ENOX1: variants seen among roughly 807,000 people sequenced by gnomAD.
The protein encoded by ENOX1 is ecto-NOX disulfide-thiol exchanger 1, also known as candidate growth-related and time keeping constitutive hydroquinone (NADH) oxidase.
A neutral mutation model predicts 82.5 loss-of-function variants in ENOX1; 42 were observed. The ratio of observed to expected loss-of-function variants is 0.51; its 90% CI spans 0.40 to 0.66. The LOEUF (loss-of-function observed/expected upper bound fraction) is 0.66. Ranked by LOEUF, ENOX1 falls within the 30% of genes least tolerant of loss-of-function variation. The pLI, the probability that ENOX1 is intolerant of heterozygous loss-of-function variation, is 0.00. For missense variants in ENOX1, 608 were observed against 811.6 expected (o/e 0.75, Z 3.05); for synonymous variants, 271 against 282.2 (o/e 0.96, Z 0.40).
intron 3 of ENOX1, among the ~76,000 whole-genome samples, chr13:43,444,868 C>T (rs1242045258): frequency 1.3e-5 from 2 of 152,164 alleles, no homozygotes; most frequent in African/African-American, 4.8e-5. Context: ...CCACGTGCCA[C>T]CCGTACCTCT....
intron 1 of ENOX1, among the ~76,000 whole-genome samples, chr13:43,747,723 A>T (rs1453289421): frequency 6.6e-6 from 1 of 152,226 alleles, no homozygotes; most frequent in African/African-American, 2.4e-5. Flanking sequence ...CTAGATGTGA[A>T]CAGGCCCTCA....
At chr13:43,593,978 T>C (rs1243974125) in intron 2 of ENOX1, among the ~76,000 whole-genome samples, 1 of 152,098 alleles carries the variant, frequency 6.6e-6, no homozygotes, top group East Asian at 1.9e-4. Flanking sequence ...GGAGATGTGC[T>C]CCTACCTAAG....
intron 2 of ENOX1, among the ~76,000 whole-genome samples, chr13:43,506,564 T>C (rs375439834): frequency 1.3e-4 from 17 of 135,430 alleles, no homozygotes; most frequent in East Asian, 9.8e-4. Context: ...CTATTCACAA[T>C]AGCAAAGACT....
intron 1 of ENOX1, among the ~76,000 whole-genome samples, chr13:43,748,148 T>C (rs1950126508): frequency 6.6e-6 from 1 of 152,232 alleles, no homozygotes; most frequent in African/African-American, 2.4e-5. Context: ...TTTTAATAAC[T>C]TGATAACTAT....
In ENOX1 at chr13:43,449,240, G is replaced by GT. The variant is rs1174119180; in HGVS notation, c.-75+34768dup. 2.0e-5 allele frequency among the ~76,000 whole-genome samples: 3 copies of GT among 152,290 alleles called. No individual in the cohort carries two copies. The East Asian group carries it at 5.8e-4, about 29-fold the overall frequency. The stretch of plus-strand genomic sequence containing the variant: ...GCAGACGCAAACACTGTTTTCCAGT[G>GT]TGAGACTCCCTTGGGCAAATTAGGT... On this transcript the variant is annotated intron_variant, in intron 3 of 16. Coordinates refer to ENST00000690772, the MANE Select transcript of ENOX1 (RefSeq NM_001347969.2).
intron 2 of ENOX1, among the ~76,000 whole-genome samples, chr13:43,662,379 T>A (rs1314252547): frequency 6.6e-6 from 1 of 152,168 alleles, no homozygotes; most frequent in Non-Finnish European, 1.5e-5. Flanking sequence ...ATGCAGAGCA[T>A]CTCCATGCAA....
At chr13:43,385,309 C>T (rs952243196) in intron 5 of ENOX1, among the ~76,000 whole-genome samples, 1 of 151,932 alleles carries the variant, frequency 6.6e-6, no homozygotes, top group African/African-American at 2.4e-5. Context: ...AAAAACACAA[C>T]AGCCTAAATC....
At chr13:43,333,555 C>T (rs745799070) in intron 9 of ENOX1, among the ~76,000 whole-genome samples, 25 of 152,214 alleles carry the variant, frequency 1.6e-4, no homozygotes, top group Non-Finnish European at 2.5e-4. Flanking sequence ...ACCCTCGAAA[C>T]GGCAACCCTG....
At chr13:43,521,055 T>C (rs999807882) in intron 2 of ENOX1, among the ~76,000 whole-genome samples, 5 of 152,052 alleles carry the variant, frequency 3.3e-5, no homozygotes, top group Non-Finnish European at 5.9e-5. Context: ...CATGAGGACA[T>C]ATCACTATTT....
chr13:43,637,703 G>A (rs1215540501), intron 2 of ENOX1, among the ~76,000 whole-genome samples: 1 of 152,038 alleles, frequency 6.6e-6, no homozygotes, highest in Non-Finnish European at 1.5e-5. Context: ...TTTATCCACT[G>A]AGATTTTCAA....
chr13:43,376,539 A>G (rs1484388417), intron 5 of ENOX1, among the ~76,000 whole-genome samples: 1 of 152,226 alleles, frequency 6.6e-6, no homozygotes, highest in Non-Finnish European at 1.5e-5. Context: ...AGGAACTTTC[A>G]GAGTAAATTA....
intron 3 of ENOX1, among the ~76,000 whole-genome samples, chr13:43,434,937 G>GTTTTTTTTTTTTTTTTTTTTTTTTT (rs537775258): frequency 1.3e-5 from 1 of 75,910 alleles, no homozygotes; most frequent in African/African-American, 5.3e-5. Flanking sequence ...TGTGTGTGTG[G>GTTTTTTTTTTTTTTTTTTTTTTTTT]TTTTTTTTTT....
At chr13:43,426,382 T>C (rs1364707343) in intron 3 of ENOX1, among the ~76,000 whole-genome samples, 1 of 152,232 alleles carries the variant, frequency 6.6e-6, no homozygotes, top group Non-Finnish European at 1.5e-5. Flanking sequence ...TTGTGGGAAC[T>C]GCAATATATT....
At chr13:43,218,222 G>T (rs2041592140) in intron 16 of ENOX1, among the ~76,000 whole-genome samples, 1 of 152,216 alleles carries the variant, frequency 6.6e-6, no homozygotes, top group Non-Finnish European at 1.5e-5. Flanking sequence ...TGTTGGTAGT[G>T]TAAGATATAA....
chr13:43,616,171 T>TAGATAGATAGATAG (rs373367551), intron 2 of ENOX1, among the ~76,000 whole-genome samples: 3 of 6,812 alleles, frequency 4.4e-4, no homozygotes, highest in Admixed American at 5.5e-3. Context: ...TCTATCTATC[T>TAGATAGATAGATAG]ATCTATCTAT....
chr13:43,551,093 AAACTT>A lies in ENOX1; in HGVS notation c.-218-66946_-218-66942del, dbSNP rs71858566. ...AACTCTTAAAAAGATACACAATCCT[AAACTT>A]AACTTCACTGGGATTTTTAAAATAA... On this transcript the variant is annotated intron_variant, in intron 2 of 16. Coordinates refer to ENST00000690772, the MANE Select transcript of ENOX1 (RefSeq NM_001347969.2). Among the ~76,000 whole-genome samples, 567 of 152,328 alleles carry A rather than the reference AAACTT, an allele frequency of 3.7e-3. 7 individuals are homozygous for A. The highest frequency in any genetic ancestry group is 0.027 in the Admixed American group (411 of 15,298).
At chr13:43,471,809 CAAAAAAAAAA>C (rs5803181) in intron 3 of ENOX1, among the ~76,000 whole-genome samples, 56,181 of 125,194 alleles carry the variant, frequency 0.45, 12,243 homozygotes, top group South Asian at 0.56. Flanking sequence ...GACTCCGTCT[CAAAAAAAAAA>C]AAAAAAAAAA....
chr13:43,321,479 T>C (rs1311358304), intron 11 of ENOX1, among the ~76,000 whole-genome samples: 1 of 152,234 alleles, frequency 6.6e-6, no homozygotes, highest in Non-Finnish European at 1.5e-5. Flanking sequence ...CTGACCACTT[T>C]GCAGTCTTGG....
intron 1 of ENOX1, among the ~76,000 whole-genome samples, chr13:43,768,582 C>T (rs1214214387): frequency 6.6e-6 from 1 of 152,208 alleles, no homozygotes; most frequent in African/African-American, 2.4e-5. Context: ...GATCATGCCA[C>T]TGCACTCCAG....
Sources: allele counts gnomAD v4.1 joint callset (sites outside exome capture counted in the v4.1 genomes callset), GRCh38; gene constraint gnomAD v4.1.1; transcripts MANE v1.5; gene names NCBI Gene and HGNC (gene_info 2026-07-23, HGNC 2026-07-21).